TMEM117: variants seen among roughly 807,000 people sequenced by gnomAD.
TMEM117 encodes transmembrane protein 117.
A neutral mutation model predicts 52.4 loss-of-function variants in TMEM117; 27 were observed. That is an observed-to-expected ratio of 0.51 (90% CI 0.38 to 0.71). The LOEUF is 0.71. TMEM117 is among the 30% of genes least tolerant of loss of function. TMEM117 has a pLI of 0.00. For missense variants in TMEM117, 556 were observed against 630.5 expected (o/e 0.88, Z 1.26); for synonymous variants, 215 against 206.3 (o/e 1.04, Z -0.36).
At chr12:44,228,599 T>C (rs986492488) in intron 5 of TMEM117, among the ~76,000 whole-genome samples, 10 of 152,054 alleles carry the variant, frequency 6.6e-5, no homozygotes, top group African/African-American at 2.4e-4. Context: ...CACTTCAAAT[T>C]ATGAGCCAGG....
At chr12:44,118,549 G>T (rs1948183295) in intron 3 of TMEM117, among the ~76,000 whole-genome samples, 1 of 152,156 alleles carries the variant, frequency 6.6e-6, no homozygotes, top group South Asian at 2.1e-4. Flanking sequence ...GCTCAGAATG[G>T]CTGGATATTA....
chr12:43,959,230 A>G (rs1457531821), intron 3 of TMEM117, among the ~76,000 whole-genome samples: 1 of 152,232 alleles, frequency 6.6e-6, no homozygotes, highest in Non-Finnish European at 1.5e-5. Context: ...AGATCCAATT[A>G]AAGTCCATGC....
intron 3 of TMEM117, among the ~76,000 whole-genome samples, chr12:43,949,706 G>A (rs570378214): frequency 6.6e-6 from 1 of 152,132 alleles, no homozygotes; most frequent in Admixed American, 6.6e-5. Flanking sequence ...ATGGTAGCCT[G>A]ACATTCCTGA....
At chr12:44,372,322 AAT>A (rs1053969279) in intron 6 of TMEM117, among the ~76,000 whole-genome samples, 29 of 152,274 alleles carry the variant, frequency 1.9e-4, no homozygotes, top group Admixed American at 1.1e-3. Context: ...TTGTGTTCAA[AAT>A]ATATATTTTA....
intron 2 of TMEM117, among the ~76,000 whole-genome samples, chr12:43,926,932 G>A (rs943795563): frequency 8.6e-5 from 13 of 151,240 alleles, no homozygotes; most frequent in African/African-American, 1.9e-4. Context: ...TTATTTTTTC[G>A]TATCTTTTAA....
intron 3 of TMEM117, among the ~76,000 whole-genome samples, chr12:43,973,355 G>A (rs1176074057): frequency 6.6e-6 from 1 of 152,102 alleles, no homozygotes; most frequent in Non-Finnish European, 1.5e-5. Context: ...TTCAAGAAGA[G>A]AAAAATGTAA....
At chr12:43,824,752 ACT>A in the TMEM117 span, among the ~76,000 whole-genome samples, 2 of 152,192 alleles carry the variant, frequency 1.3e-5, no homozygotes, top group African/African-American at 4.8e-5. Context: ...ACACAGTGAA[ACT>A]CTGTCTCTAC....
chr12:44,185,865 GACAT>G (rs1354667587), intron 4 of TMEM117, among the ~76,000 whole-genome samples: 2 of 112,258 alleles, frequency 1.8e-5, no homozygotes, highest in Admixed American at 9.0e-5. Context: ...AGACCTAAAA[GACAT>G]ACACACACAC....
At chr12:44,136,115 T>G (rs1948486573) in intron 3 of TMEM117, among the ~76,000 whole-genome samples, 1 of 152,198 alleles carries the variant, frequency 6.6e-6, no homozygotes, top group African/African-American at 2.4e-5. Flanking sequence ...TTAATTTTAT[T>G]TAACATTAAA....
chr12:44,190,399 C>T (rs1170198148), intron 4 of TMEM117, among the ~76,000 whole-genome samples: 1 of 152,094 alleles, frequency 6.6e-6, no homozygotes, highest in African/African-American at 2.4e-5. Context: ...ATACAGAGTT[C>T]TGGGTTCTAC....
chr12:44,069,847 T>C (rs142254893), intron 3 of TMEM117, among the ~76,000 whole-genome samples: 2 of 152,336 alleles, frequency 1.3e-5, no homozygotes, highest in African/African-American at 2.4e-5. Context: ...AGCCTTTCCA[T>C]GATGAAATCA....
At chr12:44,035,169 A>C (rs1254411876) in intron 3 of TMEM117, among the ~76,000 whole-genome samples, 1 of 152,118 alleles carries the variant, frequency 6.6e-6, no homozygotes, top group Non-Finnish European at 1.5e-5. Context: ...CACTATAATA[A>C]ATCTCCGTGT....
chr12:44,042,637 C>T (rs1946817439), intron 3 of TMEM117, among the ~76,000 whole-genome samples: 1 of 152,106 alleles, frequency 6.6e-6, no homozygotes, highest in Non-Finnish European at 1.5e-5. Context: ...TGGATGCTTC[C>T]TGCCCTCCAA....
chr12:44,062,372 AAG>A (rs2137957964), intron 3 of TMEM117, among the ~76,000 whole-genome samples: 1 of 152,316 alleles, frequency 6.6e-6, no homozygotes, highest in Non-Finnish European at 1.5e-5. Context: ...GTTTTCTTAA[AAG>A]AGACAGTCCG....
the TMEM117 span, among the ~76,000 whole-genome samples, chr12:43,824,417 G>A: frequency 5.1e-3 from 775 of 152,288 alleles, 11 homozygotes; most frequent in African/African-American, 0.018. Context: ...GGTGAGTGCC[G>A]CTTCCAGGGT....
chr12:43,827,442 T>G, the TMEM117 span, among the ~76,000 whole-genome samples: 3 of 152,182 alleles, frequency 2.0e-5, no homozygotes, highest in African/African-American at 7.2e-5. Context: ...CATGCAATAC[T>G]TTGGCATTCA....
Position 43,986,645 on chromosome 12 carries a change from C to T in TMEM117, c.410+42303C>T, listed in dbSNP as rs148593736. On this transcript the variant is annotated intron_variant, in intron 3 of 7. Coordinates refer to ENST00000266534, the MANE Select transcript of TMEM117 (RefSeq NM_032256.3). ...ATATCTTTCAGACTATTGGAAAATT[C>T]TCAACCATTATCTCTTTAACTATTA... 3.8e-3 allele frequency among the ~76,000 whole-genome samples: 574 copies of T among 152,262 alleles called. 2 individuals carry two copies. Among genetic ancestry groups the T allele is most frequent in the African/African-American group, 0.013 (547 of 41,582 alleles).
chr12:44,297,212 C>T (rs2138634898), intron 5 of TMEM117, among the ~76,000 whole-genome samples: 1 of 152,204 alleles, frequency 6.6e-6, no homozygotes, highest in Middle Eastern at 3.4e-3. Flanking sequence ...AAAAATGTGC[C>T]TCTGAATAAA....
intron 3 of TMEM117, among the ~76,000 whole-genome samples, chr12:44,097,024 A>G (rs1947776566): frequency 6.6e-6 from 1 of 152,178 alleles, no homozygotes; most frequent in South Asian, 2.1e-4. Context: ...ACAAGAAAAA[A>G]ACAAACAACC....
Sources: gnomAD v4.1 joint callset for allele counts (sites outside exome capture counted in the v4.1 genomes callset) on GRCh38, gnomAD v4.1.1 for gene constraint, MANE v1.5 for transcripts, NCBI Gene and HGNC (gene_info 2026-07-23, HGNC 2026-07-21) for gene names.